The following MYO16 variants were observed in gnomAD, a reference collection of about 807,000 sequenced individuals.
MYO16 encodes myosin XVI, also known as unconventional myosin-XVI.
Under a neutral mutation model 205.3 loss-of-function variants are expected in MYO16, and 94 were observed. That is an observed-to-expected ratio of 0.46 (90% CI 0.39 to 0.54). The LOEUF (loss-of-function observed/expected upper bound fraction) is 0.54, where lower values mean the gene tolerates loss of function less well. Among genes scored for constraint, MYO16 ranks in the 20% least tolerant of loss-of-function variants. The pLI, the probability that MYO16 is intolerant of heterozygous loss-of-function variation, is 0.00. For synonymous variants in MYO16, 988 were observed against 954.0 expected (o/e 1.04, Z -0.66); for missense variants, 2,315 against 2,387.5 (o/e 0.97, Z 0.63).
chr13:109,101,372 A>C (rs1888961985), intron 28 of MYO16: 1 of 154,004 alleles, frequency 6.5e-6, no homozygotes, highest in Admixed American at 6.4e-5. Flanking sequence ...CATACAGTGA[A>C]AATGTCACCA....
intron 32 of MYO16, among the ~76,000 whole-genome samples, chr13:109,142,420 G>A (rs2139812632): frequency 6.6e-6 from 1 of 152,258 alleles, no homozygotes; most frequent in Middle Eastern, 3.4e-3. Context: ...CAGGAGGATA[G>A]GGTCTGGAGG....
the MYO16 span, among the ~76,000 whole-genome samples, chr13:108,544,121 T>A: frequency 6.6e-6 from 1 of 151,696 alleles, no homozygotes; most frequent in Non-Finnish European, 1.5e-5. Flanking sequence ...TTTTTATTTA[T>A]ATCCCATACT....
intron 20 of MYO16, among the ~76,000 whole-genome samples, chr13:108,981,484 T>G (rs938204527): frequency 1.2e-4 from 19 of 152,376 alleles, no homozygotes; most frequent in African/African-American, 4.3e-4. Context: ...TGTGACTTGC[T>G]TTAGCCAACA....
chr13:109,190,936 A>G (rs1256233474), intron 34 of MYO16, among the ~76,000 whole-genome samples: 1 of 152,146 alleles, frequency 6.6e-6, no homozygotes, highest in Non-Finnish European at 1.5e-5. Context: ...TTGAATTTTC[A>G]GGCTGGGTGC....
chr13:108,980,918 G>A (rs992747199), intron 20 of MYO16, among the ~76,000 whole-genome samples: 4 of 152,130 alleles, frequency 2.6e-5, no homozygotes, highest in Non-Finnish European at 2.9e-5. Context: ...TAAAGAAAAT[G>A]GAACTCAGAG....
At chr13:108,865,560 A>G (rs1878673680) in intron 11 of MYO16, among the ~76,000 whole-genome samples, 1 of 151,764 alleles carries the variant, frequency 6.6e-6, no homozygotes, top group African/African-American at 2.4e-5. Context: ...TTCTCTTTAA[A>G]GTAGTCATCT....
chr13:109,162,052 C>T lies in MYO16; in HGVS notation c.5165-2849C>T, dbSNP rs1232828376. On this transcript the variant is annotated intron_variant, in intron 32 of 34. Coordinates refer to ENST00000457511, the MANE Select transcript of MYO16 (RefSeq NM_001198950.3). This position sits in a 1 kb window ranked among gnomAD's most constrained non-coding sequence, Gnocchi z 4.6. ...GAGCTGAGATCGTGCCACTGCCCTC[C>T]AGCCTGGGCAACAGAGTGAGAGACT... Among the ~76,000 whole-genome samples, 1 of 152,202 alleles carries T rather than the reference C, an allele frequency of 6.6e-6. No homozygotes were observed. Among genetic ancestry groups the T allele is most frequent in the Non-Finnish European group, 1.5e-5 (1 of 68,036 alleles).
chr13:108,858,386 T>C (rs1273574672), intron 11 of MYO16, among the ~76,000 whole-genome samples: 4 of 152,192 alleles, frequency 2.6e-5, no homozygotes, highest in Non-Finnish European at 4.4e-5. Flanking sequence ...AAAATTCAAA[T>C]ACCCGAATTT....
chr13:108,807,663 C>G (rs1887156068), intron 7 of MYO16, among the ~76,000 whole-genome samples: 1 of 152,094 alleles, frequency 6.6e-6, no homozygotes, highest in Admixed American at 6.6e-5. Flanking sequence ...TCATAATATT[C>G]CATCATGATG....
intron 23 of MYO16, among the ~76,000 whole-genome samples, chr13:109,038,386 G>A (rs1016365136): frequency 6.6e-6 from 1 of 152,134 alleles, no homozygotes; most frequent in Non-Finnish European, 1.5e-5. Flanking sequence ...AAGAGAGGAA[G>A]GTTGAAATCT....
intron 9 of MYO16, among the ~76,000 whole-genome samples, chr13:108,841,082 C>A (rs1481838346): frequency 1.3e-5 from 2 of 152,072 alleles, no homozygotes; most frequent in Non-Finnish European, 2.9e-5. Flanking sequence ...TCTCTAATTG[C>A]CAGATAATTT....
At chr13:108,933,054 CAG>C in intron 16 of MYO16, among the ~76,000 whole-genome samples, 1 of 152,120 alleles carries the variant, frequency 6.6e-6, no homozygotes, top group South Asian at 2.1e-4. Context: ...CTACAAATAA[CAG>C]AAGGTCCTCA....
intron 23 of MYO16, among the ~76,000 whole-genome samples, chr13:109,026,373 G>T (rs77708022): frequency 0.094 from 14,350 of 152,068 alleles, 756 homozygotes; most frequent in Middle Eastern, 0.11. Context: ...GTGACCACGG[G>T]GGGAGGTATT....
intron 31 of MYO16, among the ~76,000 whole-genome samples, chr13:109,136,893 A>G (rs905783377): frequency 2.0e-5 from 3 of 152,212 alleles, no homozygotes; most frequent in Non-Finnish European, 2.9e-5. Flanking sequence ...TGACTTGTCT[A>G]TTGTTATGTA....
intron 4 of MYO16, among the ~76,000 whole-genome samples, chr13:108,749,925 T>C (rs572696598): frequency 1.3e-5 from 2 of 152,290 alleles, no homozygotes; most frequent in African/African-American, 4.8e-5. Context: ...ATCATCCATG[T>C]AATGGAACAG....
chr13:108,980,031 GT>G (rs1478943365), intron 20 of MYO16, among the ~76,000 whole-genome samples: 2 of 152,068 alleles, frequency 1.3e-5, no homozygotes, highest in African/African-American at 4.8e-5. Flanking sequence ...AAAGAACTAT[GT>G]ATTTTGCCTT....
chr13:108,552,749 A>ACTCTGAGACTGG, the MYO16 span, among the ~76,000 whole-genome samples: 6 of 152,138 alleles, frequency 3.9e-5, no homozygotes, highest in African/African-American at 1.4e-4. Context: ...CTGTAACAGA[A>ACTCTGAGACTGG]TACCTGAGAC....
At chr13:108,626,025 T>C (rs372375347), upstream of MYO16, among the ~76,000 whole-genome samples, 12 of 152,206 alleles carry the variant, frequency 7.9e-5, no homozygotes, top group African/African-American at 2.9e-4. Context: ...TTTTAAAAGA[T>C]ATTTACTAAG....
intron 10 of MYO16, among the ~76,000 whole-genome samples, chr13:108,853,901 A>T (rs1222026289): frequency 1.3e-5 from 2 of 151,740 alleles, no homozygotes; most frequent in Non-Finnish European, 2.9e-5. Context: ...GAGTTCATAA[A>T]AAAAATGTTC....
Sources: gnomAD v4.1 joint callset for allele counts (sites outside exome capture counted in the v4.1 genomes callset) on GRCh38, gnomAD v4.1.1 for gene constraint, Gnocchi (gnomAD v3.1) non-coding constraint, MANE v1.5 for transcripts, NCBI Gene and HGNC (gene_info 2026-07-23, HGNC 2026-07-21) for gene names.